CATIP: variants seen among roughly 807,000 people sequenced by gnomAD.
CATIP encodes the protein ciliogenesis associated TTC17 interacting protein.
Under a neutral mutation model 42.5 loss-of-function variants are expected in CATIP, and 40 were observed. That is an observed-to-expected ratio of 0.94 (90% CI 0.73 to 1.22). CATIP has a LOEUF of 1.22. Among genes scored for constraint, CATIP ranks in the 50% most tolerant of loss-of-function variants. The pLI is 0.00. For missense variants in CATIP, 489 were observed against 496.0 expected (o/e 0.99, Z 0.13); for synonymous variants, 222 against 200.2 (o/e 1.11, Z -0.92).
At position 218,364,635 on chromosome 2, in the gene CATIP, T is replaced by C. The variant is rs1160459818; in HGVS notation, c.638T>C (p.Leu213Pro). Residue 213 changes from leucine to proline, a missense_variant, in exon 7 of 10, where the codon CTG becomes CCG. Coordinates refer to ENST00000289388, the MANE Select transcript of CATIP (RefSeq NM_198559.2). Reference sequence around the variant, plus strand: ...AATTTTGGCTGTTGCCAGCAAAACCTGGGCTTCCAGACCATCCAGGTAGAC... The same window carrying C: ...AATTTTGGCTGTTGCCAGCAAAACCCGGGCTTCCAGACCATCCAGGTAGAC... ...GKLCYLTYQN[L>P]GFQTIQVDHQ... 7 of 1,613,684 alleles carry C rather than the reference T, an allele frequency of 4.3e-6. No individual in the cohort carries two copies. The highest frequency in any genetic ancestry group is 5.9e-6 in the Non-Finnish European group (7 of 1,179,740).
chr2:218,360,037 G>A (rs757227808), intron 4 of CATIP, among the ~76,000 whole-genome samples: 1 of 152,056 alleles, frequency 6.6e-6, no homozygotes, highest in Non-Finnish European at 1.5e-5. Flanking sequence ...TGTTGGCCAG[G>A]CTGGTCTTGA....
At chr2:218,358,191 T>A in intron 4 of CATIP, 99 bp downstream of exon 4, 1 of 898,570 alleles carries the variant, frequency 1.1e-6, no homozygotes, top group Non-Finnish European at 1.8e-6. Context: ...ACCTATTACA[T>A]ACACAGTGAA....
intron 7 of CATIP, among the ~76,000 whole-genome samples, chr2:218,365,347 G>C (rs1695393813): frequency 6.6e-6 from 1 of 151,828 alleles, no homozygotes; most frequent in Non-Finnish European, 1.5e-5. Flanking sequence ...CCAGGAGGCA[G>C]AGCTTGCAGT....
chr2:218,367,879 C>T lies in CATIP; in HGVS notation c.1079C>T (p.Ser360Leu), dbSNP rs772190247. 8 of 1,612,750 alleles carry T rather than the reference C, an allele frequency of 5.0e-6. No individual in the cohort carries two copies. In the African/African-American group the frequency reaches 9.3e-5, roughly 19 times the overall value. ...GGCCCCTTCGACCCGTGGCGTCCGT[C>T]GTCACCGGCCTTGGGCTCCTCCCAC... ...FFGPFDPWRP[S>L]SPALGSSHRP... is the part of the protein sequence containing the mutation. The change falls in exon 10 of 10, where the codon TCG (serine) becomes TTG (leucine). Residue 360 changes from serine (S) to leucine (L), a missense_variant. Ser to Leu is a moderately radical substitution (Grantham distance 145). Transcript: ENST00000289388.
chr2:218,363,665 G>A (rs922455557), intron 6 of CATIP, among the ~76,000 whole-genome samples: 6 of 151,966 alleles, frequency 3.9e-5, no homozygotes, highest in Non-Finnish European at 5.9e-5. Flanking sequence ...TATTAGCTGC[G>A]TGTGGTGGCA....
In CATIP at chr2:218,367,812, C is replaced by T. The variant is rs781707524; in HGVS notation, c.1012C>T (p.Arg338Cys). 1.9e-6 allele frequency: 3 copies of T among 1,612,944 alleles called. No individual in the cohort carries two copies. The highest frequency in any genetic ancestry group is 1.7e-6 in the Non-Finnish European group (2 of 1,179,880). ...ISDFLLFLLL[R>C]QPEDVVTFAA... ...CGACTTCCTGCTCTTCCTGCTGCTG[C>T]GCCAGCCGGAGGACGTGGTCACCTT... The change falls in exon 10 of 10, where the codon CGC becomes TGC. Residue 338 changes from arginine (R) to cysteine (C), a missense_variant. Arg to Cys is a radical substitution (Grantham distance 180). Coordinates refer to ENST00000289388, the MANE Select transcript of CATIP (RefSeq NM_198559.2).
Position 218,356,914 on chromosome 2 carries a change from G to A in CATIP, c.25+5G>A. 6 of 1,614,064 alleles carry A rather than the reference G, an allele frequency of 3.7e-6. No individual in the cohort carries two copies. Among genetic ancestry groups the A allele is most frequent in the Non-Finnish European group, 5.1e-6 (6 of 1,179,974 alleles). ...CCTCCAAGGTTTACTCCACAGGTGG[G>A]AAGAGGACTGCTGGGGCTGGAGGCG... On this transcript the variant is annotated splice_donor_5th_base_variant and intron_variant, in intron 1 of 9. Coordinates refer to ENST00000289388, the MANE Select transcript of CATIP (RefSeq NM_198559.2).
Position 218,367,971 on chromosome 2 carries a change from C to G in CATIP, c.*7C>G. 1 of 1,562,810 alleles carries G rather than the reference C, an allele frequency of 6.4e-7. No homozygotes were observed. The highest frequency in any genetic ancestry group is 8.6e-7 in the Non-Finnish European group (1 of 1,159,232). ...CCGCTCGGGGGCGGCCTAAGCGGGG[C>G]CCAGGCCCGGACAGGGCAGGAAACC... On this transcript the variant is annotated 3_prime_UTR_variant, in exon 10 of 10. Transcript: ENST00000289388.
intron 6 of CATIP, 117 bp from the exon 7 acceptor site, chr2:218,364,511 G>A: frequency 2.8e-6 from 4 of 1,415,188 alleles, no homozygotes; most frequent in Non-Finnish European, 3.9e-6. Flanking sequence ...GTTTGGAGAT[G>A]CAATATTAAA....
chr2:218,359,969 ACATGCAC>A (rs1695178472), intron 4 of CATIP, among the ~76,000 whole-genome samples: 3 of 149,768 alleles, frequency 2.0e-5, no homozygotes, highest in African/African-American at 7.4e-5. Context: ...GGAATTACAG[ACATGCAC>A]CACCACACCT....
At chr2:218,361,267 G>A (rs964543176) in intron 5 of CATIP, among the ~76,000 whole-genome samples, 5 of 151,932 alleles carry the variant, frequency 3.3e-5, no homozygotes, top group Non-Finnish European at 7.4e-5. Flanking sequence ...CCAGCTACTC[G>A]GGAGGGTGAG....
At position 218,357,535 on chromosome 2, in the gene CATIP, C is replaced by A. The variant is rs1224163677; in HGVS notation, c.120C>A (p.His40Gln). 6.2e-7 allele frequency: 1 copy of A among 1,613,480 alleles called. No homozygotes were observed. Residue 40 changes from histidine to glutamine, a missense_variant and splice_region_variant, in exon 3 of 10, where the codon CAC becomes CAA. By Grantham distance (24) the His-to-Gln change is conservative. Transcript: ENST00000289388. ...GTTCCCACGGGCCCCTCACCCCAGA[C>A]AAGGAGGAGCTACAGATGCTGTTCT... Reference protein sequence around the residue: ...AEAIDFLSSLHKEELQMLFFS... With the variant: ...AEAIDFLSSLQKEELQMLFFS...
At chr2:218,363,725 C>T (rs1405856818) in intron 6 of CATIP, among the ~76,000 whole-genome samples, 1 of 152,056 alleles carries the variant, frequency 6.6e-6, no homozygotes, top group African/African-American at 2.4e-5. Context: ...AGAAGCATCA[C>T]TTGAACCCAG....
chr2:218,366,572 G>A, intron 7 of CATIP: 1 of 189,278 alleles, frequency 5.3e-6, no homozygotes, highest in Non-Finnish European at 1.1e-5. Flanking sequence ...AAGAGAGGGA[G>A]GCAGAAGTAA....
intron 4 of CATIP, among the ~76,000 whole-genome samples, chr2:218,359,364 A>AAAAAAAAAG (rs1695155999): frequency 5.5e-5 from 8 of 144,670 alleles, no homozygotes; most frequent in African/African-American, 7.8e-5. Flanking sequence ...AAAAAAAAAA[A>AAAAAAAAAG]TGTTGGGGAT....
chr2:218,362,675 C>A, intron 5 of CATIP, 60 bp from the exon 6 acceptor site: 1 of 1,518,302 alleles, frequency 6.6e-7, no homozygotes, highest in Non-Finnish European at 8.9e-7. Flanking sequence ...GGCTTGCCCA[C>A]CCTCCTGTCC....
intron 7 of CATIP, 71 bp from the exon 8 acceptor site, chr2:218,366,953 A>C: frequency 8.6e-7 from 1 of 1,164,024 alleles, no homozygotes; most frequent in South Asian, 1.2e-5. Flanking sequence ...ACTGGGGGTT[A>C]GAGAGACAAT....
At chr2:218,366,468 T>G in intron 7 of CATIP, 1 of 159,240 alleles carries the variant, frequency 6.3e-6, no homozygotes, top group Admixed American at 6.0e-5. Context: ...TAAAGATCCT[T>G]TTTGTTTTTT....
At chr2:218,358,119 C>G (rs758385092) in intron 4 of CATIP, 27 bp downstream of exon 4, 2 of 1,599,074 alleles carry the variant, frequency 1.3e-6, no homozygotes, top group Non-Finnish European at 1.7e-6. Flanking sequence ...CAGCCTTGAC[C>G]CAATCCAGGG....
Sources: gnomAD v4.1 joint callset for allele counts (sites outside exome capture counted in the v4.1 genomes callset) on GRCh38, gnomAD v4.1.1 for gene constraint, MANE v1.5 for transcripts, NCBI Gene and HGNC (gene_info 2026-07-23, HGNC 2026-07-21) for gene names.